SERGEF: variants seen among roughly 807,000 people sequenced by gnomAD.
SERGEF encodes secretion regulating guanine nucleotide exchange factor, also known as secretion-regulating guanine nucleotide exchange factor.
Under a neutral mutation model 50.0 loss-of-function variants are expected in SERGEF, and 51 were observed. That is an observed-to-expected ratio of 1.02 (90% CI 0.81 to 1.29). The LOEUF (loss-of-function observed/expected upper bound fraction) is 1.29, where lower values mean the gene tolerates loss of function less well. Among genes scored for constraint, SERGEF ranks in the 50% most tolerant of loss-of-function variants. SERGEF has a pLI of 0.00. For synonymous variants in SERGEF, 205 were observed against 212.4 expected (o/e 0.97, Z 0.30); for missense variants, 521 against 557.0 (o/e 0.94, Z 0.65).
chr11:17,794,463 C>G (rs1042302415), intron 10 of SERGEF, among the ~76,000 whole-genome samples: 7 of 152,160 alleles, frequency 4.6e-5, no homozygotes, highest in African/African-American at 1.7e-4. Flanking sequence ...GAACCAGGCT[C>G]AGAGAGGTAA....
At chr11:17,825,598 G>A (rs1450801858) in intron 10 of SERGEF, among the ~76,000 whole-genome samples, 1 of 152,160 alleles carries the variant, frequency 6.6e-6, no homozygotes, top group Non-Finnish European at 1.5e-5. Flanking sequence ...AATTCTATGT[G>A]CAGTTCATTA....
intron 9 of SERGEF, among the ~76,000 whole-genome samples, chr11:17,948,845 A>C (rs750291695): frequency 6.6e-6 from 1 of 152,198 alleles, no homozygotes; most frequent in South Asian, 2.1e-4. Context: ...TTGCAAAGAT[A>C]TCTCTGATTC....
intron 6 of SERGEF, among the ~76,000 whole-genome samples, chr11:17,993,342 GATAA>G (rs1457902566): frequency 1.3e-5 from 2 of 152,206 alleles, no homozygotes; most frequent in Non-Finnish European, 2.9e-5. Context: ...AGTAGAGACA[GATAA>G]ATAGACATAG....
At chr11:17,890,125 G>GA (rs1851505919) in intron 9 of SERGEF, among the ~76,000 whole-genome samples, 1 of 151,538 alleles carries the variant, frequency 6.6e-6, no homozygotes, top group African/African-American at 2.4e-5. Flanking sequence ...AAGTGGCTAA[G>GA]AAGGGGCAGC....
chr11:17,794,941 C>G (rs1849549367), intron 10 of SERGEF, among the ~76,000 whole-genome samples: 1 of 152,226 alleles, frequency 6.6e-6, no homozygotes, highest in African/African-American at 2.4e-5. Context: ...TCTCCCTGAG[C>G]CCTGTGAGCG....
intron 10 of SERGEF, among the ~76,000 whole-genome samples, chr11:17,797,700 T>G (rs987131457): frequency 2.0e-5 from 3 of 152,230 alleles, no homozygotes; most frequent in African/African-American, 7.2e-5. Flanking sequence ...TGGCATAGGT[T>G]AGCGCTCAAT....
chr11:18,002,665 T>A (rs1590246238), intron 4 of SERGEF, among the ~76,000 whole-genome samples: 1 of 152,302 alleles, frequency 6.6e-6, no homozygotes, highest in South Asian at 2.1e-4. Flanking sequence ...GGGATATACA[T>A]GCATCTGTCA....
chr11:18,004,315 A>T, intron 4 of SERGEF, 126 bp downstream of exon 4: 1 of 604,060 alleles, frequency 1.7e-6, no homozygotes. Context: ...CTATTTTTCA[A>T]CTCAAATTCT....
chr11:17,810,058 G>A (rs540145869), intron 10 of SERGEF, among the ~76,000 whole-genome samples: 87 of 152,252 alleles, frequency 5.7e-4, no homozygotes, highest in African/African-American at 2.0e-3. Context: ...TTTGACCCTA[G>A]TGTATTCTTG....
intron 8 of SERGEF, among the ~76,000 whole-genome samples, chr11:17,970,751 G>A (rs964264429): frequency 6.6e-6 from 1 of 152,152 alleles, no homozygotes; most frequent in African/African-American, 2.4e-5. Flanking sequence ...TCTGGATAAA[G>A]GGTGAAACCA....
At chr11:17,906,065 C>A (rs542837117) in intron 9 of SERGEF, among the ~76,000 whole-genome samples, 1 of 152,244 alleles carries the variant, frequency 6.6e-6, no homozygotes, top group East Asian at 1.9e-4. Context: ...AAGAAGCTTC[C>A]CCTGACCCTT....
At chr11:17,895,681 T>C (rs1322006674) in intron 9 of SERGEF, among the ~76,000 whole-genome samples, 1 of 152,222 alleles carries the variant, frequency 6.6e-6, no homozygotes, top group Non-Finnish European at 1.5e-5. Context: ...TATTTATTTT[T>C]TTAGGTTATA....
chr11:17,965,423 A>G (rs780633437), intron 8 of SERGEF, among the ~76,000 whole-genome samples: 4 of 152,010 alleles, frequency 2.6e-5, no homozygotes, highest in Non-Finnish European at 4.4e-5. Flanking sequence ...CAGCCTCCAT[A>G]CTGGTTCCCT....
At chr11:17,980,165 AG>A (rs1186401908) in intron 8 of SERGEF, among the ~76,000 whole-genome samples, 1 of 152,226 alleles carries the variant, frequency 6.6e-6, no homozygotes, top group Non-Finnish European at 1.5e-5. Flanking sequence ...ATCCATCTTT[AG>A]GAACAAATAT....
At chr11:17,809,673 C>A (rs1849831177) in intron 10 of SERGEF, among the ~76,000 whole-genome samples, 1 of 152,016 alleles carries the variant, frequency 6.6e-6, no homozygotes, top group South Asian at 2.1e-4. Context: ...CAGAAGAGGG[C>A]AGGACGGAGA....
chr11:17,886,547 C>T (rs1040923129), intron 9 of SERGEF, among the ~76,000 whole-genome samples: 4 of 151,502 alleles, frequency 2.6e-5, no homozygotes, highest in Non-Finnish European at 4.4e-5. Context: ...ACCTGGGAGG[C>T]GAAGGTTGCA....
chr11:17,903,312 G>T (rs1363568793), intron 9 of SERGEF, among the ~76,000 whole-genome samples: 1 of 152,208 alleles, frequency 6.6e-6, no homozygotes, highest in Non-Finnish European at 1.5e-5. Context: ...ACAGAGTTGA[G>T]AGTGGGGGCA....
chr11:17,869,141 A>G (rs894225127), intron 10 of SERGEF, among the ~76,000 whole-genome samples: 6 of 152,202 alleles, frequency 3.9e-5, no homozygotes, highest in African/African-American at 1.4e-4. Context: ...AAATATAAAG[A>G]AAGACCATTA....
chr11:17,998,263 T>A (rs211132), intron 5 of SERGEF, among the ~76,000 whole-genome samples: 149,004 of 151,012 alleles, frequency 0.99, 73,535 homozygotes, highest in East Asian at 1. Context: ...ATAAAAATTT[T>A]AAAATTAGCT....
Sources: allele counts gnomAD v4.1 joint callset (sites outside exome capture counted in the v4.1 genomes callset), GRCh38; gene constraint gnomAD v4.1.1; transcripts MANE v1.5; gene names NCBI Gene and HGNC (gene_info 2026-07-23, HGNC 2026-07-21).